Variants in INPPL1 observed in about 807,000 individuals in gnomAD.
The protein encoded by INPPL1 is phosphatidylinositol 3,4,5-trisphosphate 5-phosphatase 2.
A neutral mutation model predicts 139.3 loss-of-function variants in INPPL1; 91 were observed. That is an observed-to-expected ratio of 0.65 (90% CI 0.55 to 0.78). The LOEUF (loss-of-function observed/expected upper bound fraction) is 0.78. Ranked by LOEUF, INPPL1 falls within the 30% of genes least tolerant of loss-of-function variation. The pLI, the probability that INPPL1 is intolerant of heterozygous loss-of-function variation, is 0.00. For missense variants in INPPL1, 1,411 were observed against 1,665.6 expected (o/e 0.85, Z 2.66); for synonymous variants, 719 against 686.6 (o/e 1.05, Z -0.74).
In INPPL1 at chr11:72,235,694, G is replaced by A; in HGVS notation, c.2679G>A (p.Lys893=). Residue 893 remains lysine, a synonymous_variant, in exon 24 of 28, where the codon AAG becomes AAA. Coordinates refer to ENST00000298229, the MANE Select transcript of INPPL1 (RefSeq NM_001567.4). The surrounding 1 kb of genome is among the most constrained non-coding windows in gnomAD (Gnocchi z 4.9). ...CCTCAGAGTGGATCAGCATTGATAA[G>A]GATGAGGCAGGAGCAAAGAGCAAAG... is the stretch of plus-strand genomic sequence containing the variant. ...ERLYEWISID[K]DEAGAKSKAP... The A allele has an allele frequency of 6.2e-7, 1 of 1,614,126 alleles. No homozygotes were observed. Among genetic ancestry groups the A allele is most frequent in the Non-Finnish European group, 8.5e-7 (1 of 1,180,000 alleles).
At chr11:72,238,231 C>G (rs1479849962) in intron 27 of INPPL1, 32 bp from the exon 28 acceptor site, 1 of 1,613,654 alleles carries the variant, frequency 6.2e-7, no homozygotes, top group Non-Finnish European at 8.5e-7. Context: ...TCCCCTTGCC[C>G]ATCTCACTTC....
At position 72,234,241 on chromosome 11, in the gene INPPL1, C is replaced by T. The variant is rs1224777022; in HGVS notation, c.2213-40C>T. The T allele has an allele frequency of 1.4e-6, 2 of 1,435,390 alleles. No homozygotes were observed. Among genetic ancestry groups the T allele is most frequent in the Non-Finnish European group, 2.0e-6 (2 of 1,018,086 alleles). The allele number at this position is 1,435,390 out of a possible 1,614,324, so 88.9% of individuals were successfully genotyped here. On this transcript the variant is annotated intron_variant, in intron 19 of 27. Transcript: ENST00000298229. This position sits in a 1 kb window ranked among gnomAD's most constrained non-coding sequence, Gnocchi z 4.2. ...TCTCTGTCCCATTCCTCCTGTGATC[C>T]TCTCAGTCCTCCTGTTTGTTCTCCT...
At position 72,225,247 on chromosome 11, in the gene INPPL1, G is replaced by A. The variant is rs1170240168; in HGVS notation, c.182+81G>A. 3.3e-6 allele frequency: 4 copies of A among 1,222,686 alleles called. No homozygotes were observed. The African/African-American group carries it at 6.3e-5, about 19-fold the overall frequency. 75.7% of individuals were successfully genotyped at this position (1,222,686 alleles called of 1,614,324 possible). ...CCGGGTGTGGAAAGGGCCCGGGTGA[G>A]GGTTTCTGGGGCGGTGGGACGCCAG... On this transcript the variant is annotated intron_variant, in intron 1 of 27. Coordinates refer to ENST00000298229, the MANE Select transcript of INPPL1 (RefSeq NM_001567.4).
intron 25 of INPPL1, among the ~76,000 whole-genome samples, chr11:72,236,571 GCT>G (rs1357801823): frequency 2.0e-5 from 3 of 152,220 alleles, no homozygotes; most frequent in African/African-American, 7.2e-5. Flanking sequence ...GGGAATTAGT[GCT>G]CTGTGTCACA....
rs1565381172 is a variant in INPPL1, at chr11:72,224,959, G to A, written c.-26G>A. The A allele has an allele frequency of 9.1e-7, 1 of 1,093,576 alleles. No homozygotes were observed. Among genetic ancestry groups the A allele is most frequent in the Admixed American group, 5.1e-5 (1 of 19,444 alleles). 67.7% of individuals were successfully genotyped at this position (1,093,576 alleles called of 1,614,324 possible). A position where few individuals can be genotyped will look rare whatever the true frequency, so the allele number is the denominator to read the frequency against. On this transcript the variant is annotated 5_prime_UTR_variant, in exon 1 of 28. Coordinates refer to ENST00000298229, the MANE Select transcript of INPPL1 (RefSeq NM_001567.4). ...GCGGATGGCGCGGGGCGGCGGGGGC[G>A]GGCGGTGCTGAGCCCTGCGCGGGCC...
At chr11:72,232,519 T>A in intron 14 of INPPL1, 107 bp from the exon 15 acceptor site, 1 of 1,432,868 alleles carries the variant, frequency 7.0e-7, no homozygotes, top group Non-Finnish European at 9.6e-7. Context: ...GGCCCGGATC[T>A]TTACCCCATC....
chr11:72,237,613 G>T lies in INPPL1; in HGVS notation c.3369G>T (p.Val1123=). The change falls in exon 26 of 28, where the codon GTG becomes GTT. Residue 1123 remains valine, a synonymous_variant. Coordinates refer to ENST00000298229, the MANE Select transcript of INPPL1 (RefSeq NM_001567.4). ...VASGDDRSCS[V]LQMAKTLSEV... is the part of the protein sequence containing the mutation. ...GTGGGGATGACCGGTCCTGCTCGGT[G>T]CTGCAGATGGCCAAGACGCTGAGCG... is the stretch of plus-strand genomic sequence containing the variant. The T allele has an allele frequency of 6.2e-7, 1 of 1,605,030 alleles. No individual in the cohort carries two copies. Among genetic ancestry groups the T allele is most frequent in the Non-Finnish European group, 8.5e-7 (1 of 1,174,286 alleles).
In INPPL1 at chr11:72,234,595, T is replaced by G; in HGVS notation, c.2395T>G (p.Ser799Ala). 6.2e-7 allele frequency: 1 copy of G among 1,612,296 alleles called. No homozygotes were observed. Among genetic ancestry groups the G allele is most frequent in the Non-Finnish European group, 8.5e-7 (1 of 1,179,326 alleles). Residue 799 changes from serine (S) to alanine (A), a missense_variant, in exon 21 of 28, where the codon TCT becomes GCT. Physicochemically the swap from Ser to Ala is moderately conservative, Grantham distance 99 (BLOSUM62 1). This residue lies in a region of INPPL1 where 363 missense variants were observed against 446.2 expected (regional missense o/e 0.81). Transcript: ENST00000298229. The surrounding 1 kb of genome is among the most constrained non-coding windows in gnomAD (Gnocchi z 4.2). ...DNINFLKVQW[S>A]SRQLPTLKPI... Reference sequence around the variant, plus strand: ...CATCAACTTCCTCAAAGTGCAGTGGTCTTCACGCCAGCTGCCCACGGTGAG... The same window carrying G: ...CATCAACTTCCTCAAAGTGCAGTGGGCTTCACGCCAGCTGCCCACGGTGAG...
chr11:72,234,510 T>TCCCCCCC lies in INPPL1; in HGVS notation c.2327-14_2327-13insCCCCCCC. 6.3e-7 allele frequency: 1 copy of TCCCCCCC among 1,588,420 alleles called. No homozygotes were observed. Among genetic ancestry groups the TCCCCCCC allele is most frequent in the Non-Finnish European group, 8.6e-7 (1 of 1,156,822 alleles). On this transcript the variant is annotated splice_polypyrimidine_tract_variant and intron_variant, in intron 20 of 27. Transcript: ENST00000298229. This position sits in a 1 kb window ranked among gnomAD's most constrained non-coding sequence, Gnocchi z 4.2. Reference sequence around the variant, plus strand: ...GAGAGGTGGTGCTCAGTTGGGTGTCTCCCACCCCCACCCCAGAATACAAGA... The same window carrying TCCCCCCC: ...GAGAGGTGGTGCTCAGTTGGGTGTCTCCCCCCCCCCACCCCCACCCCAGAATACAAGA...
Position 72,234,414 on chromosome 11 carries a change from C to T in INPPL1, c.2326+20C>T, listed in dbSNP as rs1565394054. ...TGGAGGGTCAGAGGCGTGGCAGGGG[C>T]TGGGTGTGGGCCAAGGAGGATGGGA... On this transcript the variant is annotated intron_variant, in intron 20 of 27. Coordinates refer to ENST00000298229, the MANE Select transcript of INPPL1 (RefSeq NM_001567.4). The surrounding 1 kb of genome is among the most constrained non-coding windows in gnomAD (Gnocchi z 4.2). 6.2e-7 allele frequency: 1 copy of T among 1,607,184 alleles called. No homozygotes were observed. The highest frequency in any genetic ancestry group is 8.5e-7 in the Non-Finnish European group (1 of 1,173,728).
Position 72,237,229 on chromosome 11 carries a change from G to A in INPPL1, c.2985G>A (p.Gln995=). ...ACGTCCTTGAAGGGGTCCCGCACCA[G>A]CTGCTGCCCCCGGAGCCACCCTCGC... ...AYYVLEGVPH[Q]LLPPEPPSPA... is the part of the protein sequence containing the mutation. Residue 995 remains glutamine (Q), a synonymous_variant, in exon 26 of 28, where the codon CAG becomes CAA. Transcript: ENST00000298229. 6.2e-7 allele frequency: 1 copy of A among 1,614,030 alleles called. No homozygotes were observed. Among genetic ancestry groups the A allele is most frequent in the Non-Finnish European group, 8.5e-7 (1 of 1,180,034 alleles).
Position 72,235,941 on chromosome 11 carries a change from C to T in INPPL1, c.2834C>T (p.Pro945Leu), listed in dbSNP as rs756676519. The T allele has an allele frequency of 1.2e-6, 2 of 1,611,700 alleles. No individual in the cohort carries two copies. The highest frequency in any genetic ancestry group is 1.3e-5 in the African/African-American group (1 of 75,036). ...PEKPPPTGRP[P>L]APPRAAPREE... ...AAACCGCCACCAACGGGGAGGCCCC[C>T]AGCCCCACCCCGAGCAGCTCCCCGG... Residue 945 changes from proline to leucine, a missense_variant, in exon 25 of 28, where the codon CCA (proline) becomes CTA (leucine). Physicochemically the swap from Pro to Leu is moderately conservative, Grantham distance 98. This residue lies in a region of INPPL1 where 438 missense variants were observed against 425.7 expected (regional missense o/e 1.03). Coordinates refer to ENST00000298229, the MANE Select transcript of INPPL1 (RefSeq NM_001567.4). The surrounding 1 kb of genome is among the most constrained non-coding windows in gnomAD (Gnocchi z 4.9).
Position 72,234,292 on chromosome 11 carries a change from A to G in INPPL1, c.2224A>G (p.Thr742Ala), listed in dbSNP as rs1249736214. Residue 742 changes from threonine to alanine, a missense_variant, in exon 20 of 28, where the codon ACT (threonine) becomes GCT (alanine). Physicochemically the swap from Thr to Ala is moderately conservative, Grantham distance 58. Around this residue, in one of 5 missense-constraint regions of INPPL1, gnomAD observed 363 missense variants for 446.2 expected, o/e 0.81. Coordinates refer to ENST00000298229, the MANE Select transcript of INPPL1 (RefSeq NM_001567.4). The surrounding 1 kb of genome is among the most constrained non-coding windows in gnomAD (Gnocchi z 4.2). ...CCCTTTCTCCTCAGGGCTCTCAAAG[A>G]CTTCAGACCAGGCCTACATTGAGTT... ...QFISKKGLSK[T>A]SDQAYIEFES... is the part of the protein sequence containing the mutation. 1 of 1,613,224 alleles carries G rather than the reference A, an allele frequency of 6.2e-7. No individual in the cohort carries two copies. The highest frequency in any genetic ancestry group is 8.5e-7 in the Non-Finnish European group (1 of 1,179,482).
At position 72,238,655 on chromosome 11, in the gene INPPL1, G is replaced by A. The variant is rs1306008084; in HGVS notation, c.*302G>A. On this transcript the variant is annotated 3_prime_UTR_variant, in exon 28 of 28. Transcript: ENST00000298229. ...GACCCCGCCTCCCAGCCCCAGGGGT[G>A]CCTGTGGGGGTCCATTTGGGTACGT... 4.2e-6 allele frequency: 1 copy of A among 238,548 alleles called. No individual in the cohort carries two copies. The highest frequency in any genetic ancestry group is 5.7e-5 in the Admixed American group (1 of 17,632). 14.8% of individuals were successfully genotyped at this position (238,548 alleles called of 1,614,324 possible).
chr11:72,230,494 C>A, intron 10 of INPPL1, 26 bp downstream of exon 10: 1 of 1,606,044 alleles, frequency 6.2e-7, no homozygotes, highest in Non-Finnish European at 8.5e-7. Flanking sequence ...GGCCAGGCCA[C>A]TGGGGACTGC....
rs986113353 is a variant in INPPL1 at position 72,228,229 on chromosome 11, T to C, written c.222T>C (p.Asp74=). The change falls in exon 2 of 28, where the codon GAT becomes GAC. Residue 74 remains aspartate (D), a synonymous_variant. Coordinates refer to ENST00000298229, the MANE Select transcript of INPPL1 (RefSeq NM_001567.4). This position sits in a 1 kb window ranked among gnomAD's most constrained non-coding sequence, Gnocchi z 5.0. ...KHVHTYRILP[D]GEDFLAVQTS... ...TGCACACGTATCGCATTCTGCCTGA[T>C]GGAGAAGATTTCTTGGCTGTGCAGG... 6.2e-7 allele frequency: 1 copy of C among 1,614,126 alleles called. No individual in the cohort carries two copies.
At position 72,230,269 on chromosome 11, in the gene INPPL1, G is replaced by T. The variant is rs927834612; in HGVS notation, c.1088G>T (p.Arg363Leu). Residue 363 changes from arginine to leucine, a missense_variant and splice_region_variant, in exon 9 of 28, where the codon CGC becomes CTC. By Grantham distance (102) the Arg-to-Leu change is moderately radical. Coordinates refer to ENST00000298229, the MANE Select transcript of INPPL1 (RefSeq NM_001567.4). Reference protein sequence around the residue: ...QEDWTTFTHDRIRQLIKSQRV... With the variant: ...QEDWTTFTHDLIRQLIKSQRV... ...GACTGGACCACCTTCACGCACGACC[G>T]CAGTGAGCCAGGGCCAGACCTGGGA... 1.2e-6 allele frequency: 2 copies of T among 1,607,634 alleles called. No individual in the cohort carries two copies. Among genetic ancestry groups the T allele is most frequent in the African/African-American group, 1.3e-5 (1 of 74,868 alleles).
In INPPL1 at chr11:72,228,119, G is replaced by A. The variant is rs1016062788; in HGVS notation, c.183-71G>A. On this transcript the variant is annotated intron_variant, in intron 1 of 27. Coordinates refer to ENST00000298229, the MANE Select transcript of INPPL1 (RefSeq NM_001567.4). The surrounding 1 kb of genome is among the most constrained non-coding windows in gnomAD (Gnocchi z 5.0). The stretch of plus-strand genomic sequence containing the variant: ...GGTTGGGGTGCTGAGCTTGCTGGCA[G>A]GAGGAAGGGGTGCTTTGGGTCTTAG... 10 of 1,544,472 alleles carry A rather than the reference G, an allele frequency of 6.5e-6. No individual in the cohort carries two copies. In the East Asian group the frequency reaches 2.0e-4, roughly 31 times the overall value.
intron 1 of INPPL1, 62 bp downstream of exon 1, chr11:72,225,228 G>A (rs923520325): frequency 3.3e-6 from 4 of 1,226,536 alleles, no homozygotes; most frequent in Non-Finnish European, 4.1e-6. Context: ...ACGGCCGGGT[G>A]TGGAAAGGGC....
Sources: gnomAD v4.1 joint callset for allele counts (sites outside exome capture counted in the v4.1 genomes callset) on GRCh38, gnomAD v4.1.1 for gene constraint, gnomAD v4.1.1 regional missense constraint, Gnocchi (gnomAD v3.1) non-coding constraint, MANE v1.5 for transcripts, NCBI Gene and HGNC (gene_info 2026-07-23, HGNC 2026-07-21) for gene names.